The following ATPAF1 variants were observed in gnomAD, a reference collection of about 807,000 sequenced individuals.
ATPAF1 encodes the protein ATP synthase mitochondrial F1 complex assembly factor 1, also known as homolog of yeast ATP11.
Under a neutral mutation model 43.9 loss-of-function variants are expected in ATPAF1, and 26 were observed. That is an observed-to-expected ratio of 0.59 (90% CI 0.43 to 0.82). ATPAF1 has a LOEUF of 0.82. ATPAF1 is among the 40% of genes least tolerant of loss of function. The pLI is 0.00. For missense variants in ATPAF1, 366 were observed against 435.0 expected, an observed-to-expected ratio of 0.84 and a Z score of 1.41; for synonymous variants, 157 against 168.0, an observed-to-expected ratio of 0.93 and a Z score of 0.50.
chr1:46,657,379 A>G (rs1676291872), intron 4 of ATPAF1, among the ~76,000 whole-genome samples: 1 of 152,268 alleles, frequency 6.6e-6, no homozygotes, highest in Admixed American at 6.5e-5. Context: ...GCTTTGAAGG[A>G]AAGTGTTCAG....
chr1:46,659,334 C>G (rs181891810), intron 2 of ATPAF1, among the ~76,000 whole-genome samples: 48 of 151,948 alleles, frequency 3.2e-4, no homozygotes, highest in African/African-American at 1.2e-3. Context: ...AGTCCATTCT[C>G]CACCTGCCAC....
chr1:46,665,249 G>A lies in ATPAF1; in HGVS notation c.375+7C>T. On this transcript the variant is annotated splice_region_variant and intron_variant, in intron 2 of 8. Transcript: ENST00000574428. ...AAGCAAACACCACAAATGGGGGAAG[G>A]TCTTACCTTCTGTTCCACACATTTG... 2.5e-6 allele frequency: 4 copies of A among 1,613,554 alleles called. No individual in the cohort carries two copies. The African/African-American group carries it at 4.0e-5, about 16-fold the overall frequency.
chr1:46,641,593 C>T (rs1675951307), intron 8 of ATPAF1, among the ~76,000 whole-genome samples: 1 of 152,120 alleles, frequency 6.6e-6, no homozygotes, highest in African/African-American at 2.4e-5. Flanking sequence ...TATGAAACTG[C>T]TCTTATAAGG....
rs1335002118 is a variant in ATPAF1, at chr1:46,658,500, A to C, written c.426+187T>G. Among the ~76,000 whole-genome samples, 6 of 149,714 alleles carry C rather than the reference A, an allele frequency of 4.0e-5. No individual in the cohort carries two copies. In the East Asian group the frequency reaches 1.2e-3, roughly 30 times the overall value. On this transcript the variant is annotated intron_variant, in intron 3 of 8. Transcript: ENST00000574428. ...AAAGTTTGGTTGTTATTTTTAATTA[A>C]ACTGCTATGCTAGGGGTCATGGTCA...
intron 6 of ATPAF1, among the ~76,000 whole-genome samples, chr1:46,650,528 T>A (rs193221170): frequency 9.2e-5 from 14 of 152,030 alleles, no homozygotes; most frequent in African/African-American, 3.4e-4. Context: ...TGGATATATA[T>A]CCAAAGGAAA....
At chr1:46,662,815 G>T (rs1484869836) in intron 2 of ATPAF1, among the ~76,000 whole-genome samples, 1 of 151,812 alleles carries the variant, frequency 6.6e-6, no homozygotes, top group East Asian at 1.9e-4. Flanking sequence ...AAGTTTTAGG[G>T]TACATGTACA....
At chr1:46,646,468 A>G (rs1676047333) in intron 6 of ATPAF1, among the ~76,000 whole-genome samples, 1 of 152,234 alleles carries the variant, frequency 6.6e-6, no homozygotes. Context: ...ACTAAACACC[A>G]AAAAATAAGT....
chr1:46,646,449 T>C (rs1425751403), intron 6 of ATPAF1, among the ~76,000 whole-genome samples: 2 of 152,186 alleles, frequency 1.3e-5, no homozygotes, highest in Admixed American at 6.5e-5. Flanking sequence ...TATTGGAGCA[T>C]GGCTCCAGAC....
chr1:46,638,307 G>A (rs982008426), intron 8 of ATPAF1, among the ~76,000 whole-genome samples: 14 of 152,088 alleles, frequency 9.2e-5, no homozygotes, highest in Admixed American at 8.5e-4. Context: ...TGGATAAAGG[G>A]GTCCTCCTAC....
intron 4 of ATPAF1, among the ~76,000 whole-genome samples, chr1:46,655,111 C>T (rs775383033): frequency 7.9e-5 from 12 of 152,074 alleles, no homozygotes; most frequent in Non-Finnish European, 1.3e-4. Flanking sequence ...CATCAGATCT[C>T]GTGAGAACTC....
In ATPAF1 at chr1:46,658,843, A is replaced by C. The variant is rs532620731; in HGVS notation, c.376-106T>G. On this transcript the variant is annotated intron_variant, in intron 2 of 8. Coordinates refer to ENST00000574428, the Ensembl canonical transcript of ATPAF1. ...TCATTAAATAATTTTGCATGTGAGA[A>C]CTCACTTCTCTCCACTTTTTATAAT... is the stretch of plus-strand genomic sequence containing the variant. The C allele has an allele frequency of 4.3e-4, 278 of 651,260 alleles. No individual in the cohort carries two copies. The African/African-American group carries it at 4.5e-3, about 10-fold the overall frequency. 40.3% of individuals were successfully genotyped at this position (651,260 alleles called of 1,614,324 possible). A position where few individuals can be genotyped will look rare whatever the true frequency, so the allele number is the denominator to read the frequency against.
intron 6 of ATPAF1, among the ~76,000 whole-genome samples, chr1:46,646,040 G>C (rs1676037902): frequency 1.3e-5 from 2 of 152,182 alleles, no homozygotes; most frequent in African/African-American, 4.8e-5. Context: ...GCCAGGTGTG[G>C]TGGCATGTGC....
chr1:46,655,619 C>G (rs1299256842), intron 4 of ATPAF1, among the ~76,000 whole-genome samples: 1 of 152,034 alleles, frequency 6.6e-6, no homozygotes, highest in Admixed American at 6.6e-5. Flanking sequence ...CATTATTTAC[C>G]ATTAATATCA....
intron 8 of ATPAF1, among the ~76,000 whole-genome samples, chr1:46,640,659 CAAAA>C (rs929266853): frequency 1.3e-5 from 2 of 151,716 alleles, no homozygotes; most frequent in African/African-American, 4.8e-5. Flanking sequence ...AACAAACAAA[CAAAA>C]AAAGAGTTTT....
intron 2 of ATPAF1, among the ~76,000 whole-genome samples, chr1:46,659,700 C>T (rs953722966): frequency 6.6e-6 from 1 of 152,196 alleles, no homozygotes; most frequent in Non-Finnish European, 1.5e-5. Flanking sequence ...GAGTCTTCCA[C>T]TCAAGGCTGT....
chr1:46,663,527 T>C (rs1206688277), intron 2 of ATPAF1, among the ~76,000 whole-genome samples: 1 of 152,252 alleles, frequency 6.6e-6, no homozygotes, highest in Admixed American at 6.5e-5. Context: ...ATTTCTCCAA[T>C]GGCCAGTGAT....
intron 6 of ATPAF1, 26 bp downstream of exon 6, chr1:46,652,555 C>T: frequency 6.2e-7 from 1 of 1,608,510 alleles, no homozygotes; most frequent in Non-Finnish European, 8.5e-7. Flanking sequence ...TGATAAGCAA[C>T]CCTTACGTGA....
At chr1:46,667,967 G>A (rs554684179) in intron 1 of ATPAF1, 90 bp downstream of exon 1, 315 of 1,054,448 alleles carry the variant, frequency 3.0e-4, no homozygotes, top group Non-Finnish European at 3.8e-4. Flanking sequence ...CAGTACTAGT[G>A]CCCACCTCAC....
chr1:46,666,972 C>T (rs1569646033), intron 1 of ATPAF1, among the ~76,000 whole-genome samples: 1 of 152,192 alleles, frequency 6.6e-6, no homozygotes, highest in Non-Finnish European at 1.5e-5. Flanking sequence ...AAATACAGAT[C>T]AACGAGAGAA....
Sources: gnomAD v4.1 joint callset for allele counts (sites outside exome capture counted in the v4.1 genomes callset) on GRCh38, gnomAD v4.1.1 for gene constraint, MANE v1.5 for transcripts, NCBI Gene and HGNC (gene_info 2026-07-23, HGNC 2026-07-21) for gene names.